The following GABRA3 variants were observed in gnomAD, a reference collection of about 807,000 sequenced individuals.
GABRA3 encodes the protein gamma-aminobutyric acid type A receptor subunit alpha3.
Under a neutral mutation model 30.1 loss-of-function variants are expected in GABRA3, and 10 were observed. The observed-to-expected ratio is 0.33, with a 90% confidence interval of 0.20 to 0.56. The LOEUF is 0.56. GABRA3 is among the 20% of genes least tolerant of loss of function. GABRA3 has a pLI of 0.89. For missense variants in GABRA3, 233 were observed against 392.0 expected, an observed-to-expected ratio of 0.59 and a Z score of 3.42; for synonymous variants, 151 against 146.8, an observed-to-expected ratio of 1.03 and a Z score of -0.21.
At chrX:152,278,119 T>G (rs1426646716) in intron 4 of GABRA3, among the ~76,000 whole-genome samples, 1 of 112,005 alleles carries the variant, frequency 8.9e-6, no homozygotes, top group Non-Finnish European at 1.9e-5. Flanking sequence ...GAAATAGTCT[T>G]TTTTTTAAAT....
chrX:152,289,027 A>G (rs181889617), intron 3 of GABRA3, among the ~76,000 whole-genome samples: 293 of 108,673 alleles, frequency 2.7e-3, no homozygotes, highest in African/African-American at 9.5e-3. Context: ...GATTACACAC[A>G]CCCTTAAACC....
intron 3 of GABRA3, among the ~76,000 whole-genome samples, chrX:152,293,960 T>A (rs1255758214): frequency 8.9e-6 from 1 of 112,005 alleles, no homozygotes; most frequent in African/African-American, 3.3e-5. Flanking sequence ...TGGCCCCTAC[T>A]CTCTTCTGGC....
intron 3 of GABRA3, among the ~76,000 whole-genome samples, chrX:152,287,143 T>C (rs1939311301): frequency 8.9e-6 from 1 of 112,271 alleles, no homozygotes; most frequent in Non-Finnish European, 1.9e-5. Context: ...TTGAATCCAA[T>C]ATTTTAGGCA....
chrX:152,441,021 A>AG, intron 1 of GABRA3, among the ~76,000 whole-genome samples: 1 of 110,039 alleles, frequency 9.1e-6, no homozygotes, highest in East Asian at 2.8e-4. Flanking sequence ...TAAAAAAAAA[A>AG]AAAAGAAAAG....
chrX:152,439,502 G>A (rs1025085927), intron 1 of GABRA3, among the ~76,000 whole-genome samples: 6 of 111,209 alleles, frequency 5.4e-5, no homozygotes, highest in Non-Finnish European at 1.1e-4. Context: ...ACACACTGCC[G>A]GTGGGAATGC....
At chrX:152,317,117 C>T (rs867868097) in intron 3 of GABRA3, among the ~76,000 whole-genome samples, 20 of 111,482 alleles carry the variant, frequency 1.8e-4, no homozygotes, top group African/African-American at 6.2e-4. Context: ...AAGAGACTCA[C>T]CTAACAAATA....
intron 2 of GABRA3, among the ~76,000 whole-genome samples, chrX:152,351,099 A>C (rs138703096): frequency 0.041 from 4,550 of 111,852 alleles, 215 homozygotes; most frequent in African/African-American, 0.14. Flanking sequence ...GAGTGGATTT[A>C]GCATAATTCT....
At chrX:152,292,457 C>T (rs193134376) in intron 3 of GABRA3, among the ~76,000 whole-genome samples, 5 of 111,223 alleles carry the variant, frequency 4.5e-5, no homozygotes, top group African/African-American at 1.3e-4. Context: ...ATTAGTCTCG[C>T]TAGCGGTCTA....
At chrX:152,397,155 G>A (rs1929681125) in intron 1 of GABRA3, among the ~76,000 whole-genome samples, 1 of 111,944 alleles carries the variant, frequency 8.9e-6, no homozygotes, top group Non-Finnish European at 1.9e-5. Flanking sequence ...CTGGTCCCAG[G>A]GAAATGCACT....
intron 3 of GABRA3, among the ~76,000 whole-genome samples, chrX:152,302,732 T>TC (rs1939652865): frequency 9.1e-6 from 1 of 110,472 alleles, no homozygotes; most frequent in Non-Finnish European, 1.9e-5. Flanking sequence ...CCCCACTGCC[T>TC]CCCCCCATTC....
intron 5 of GABRA3, among the ~76,000 whole-genome samples, chrX:152,253,566 G>A (rs923018129): frequency 2.7e-5 from 3 of 111,399 alleles, no homozygotes; most frequent in African/African-American, 9.8e-5. Context: ...TTAACATATC[G>A]TCACTTCTCC....
intron 7 of GABRA3, among the ~76,000 whole-genome samples, chrX:152,202,448 C>T (rs1937495648): frequency 8.9e-6 from 1 of 111,909 alleles, no homozygotes; most frequent in South Asian, 3.7e-4. Context: ...ACATCTCCTT[C>T]CTTTAGGTAA....
intron 2 of GABRA3, among the ~76,000 whole-genome samples, chrX:152,360,389 GT>G (rs1182537714): frequency 1.0e-5 from 1 of 96,847 alleles, no homozygotes; most frequent in Non-Finnish European, 2.1e-5. Context: ...TCTCATAGTG[GT>G]TTTGATTTGC....
chrX:152,445,730 T>C (rs761654107), intron 1 of GABRA3, among the ~76,000 whole-genome samples: 3 of 111,505 alleles, frequency 2.7e-5, no homozygotes, highest in East Asian at 2.8e-4. Flanking sequence ...AATGGATTCA[T>C]GTCAGTCACC....
At chrX:152,268,496 G>A (rs1422083641) in intron 4 of GABRA3, among the ~76,000 whole-genome samples, 1 of 112,193 alleles carries the variant, frequency 8.9e-6, no homozygotes, top group Non-Finnish European at 1.9e-5. Flanking sequence ...GTGTAACTGT[G>A]AGTCCATTAA....
intron 7 of GABRA3, among the ~76,000 whole-genome samples, chrX:152,201,162 A>C (rs4828690): frequency 8.9e-6 from 1 of 111,980 alleles, no homozygotes; most frequent in Non-Finnish European, 1.9e-5. Flanking sequence ...CAATTAACTT[A>C]ATCAGTTTTC....
intron 5 of GABRA3, among the ~76,000 whole-genome samples, chrX:152,236,245 T>A (rs1341223987): frequency 9.7e-6 from 1 of 103,505 alleles, no homozygotes; most frequent in African/African-American, 3.6e-5. Flanking sequence ...ATATGCGGTG[T>A]TTGGTTTTTT....
chrX:152,224,627 C>A lies in GABRA3; in HGVS notation c.634+136G>T, dbSNP rs1164695508. 7.4e-6 allele frequency: 3 copies of A among 404,160 alleles called. No homozygotes were observed. In the East Asian group the frequency reaches 1.1e-4, roughly 15 times the overall value. The allele number at this position is 404,160 out of a possible 1,213,427, so 33.3% of individuals were successfully genotyped here. A position where few individuals can be genotyped will look rare whatever the true frequency, so the allele number is the denominator to read the frequency against. On this transcript the variant is annotated intron_variant, in intron 6 of 9. Coordinates refer to ENST00000370314, the MANE Select transcript of GABRA3 (RefSeq NM_000808.4). ...AGTTAGTACTACTCAACCCCACTCTCTGACCCACCCTGATACCAGCCCGGA... is the reference window on the plus strand; with the variant it reads ...AGTTAGTACTACTCAACCCCACTCTATGACCCACCCTGATACCAGCCCGGA...
intron 3 of GABRA3, among the ~76,000 whole-genome samples, chrX:152,289,628 C>T (rs750067533): frequency 1.4e-4 from 16 of 111,053 alleles, no homozygotes; most frequent in Non-Finnish European, 2.6e-4. Flanking sequence ...TAATTCATCA[C>T]TTACATTAGG....
Sources: gnomAD v4.1 joint callset for allele counts (sites outside exome capture counted in the v4.1 genomes callset) on GRCh38, gnomAD v4.1.1 for gene constraint, MANE v1.5 for transcripts, NCBI Gene and HGNC (gene_info 2026-07-23, HGNC 2026-07-21) for gene names.